Variants in QPRT observed in about 807,000 individuals in gnomAD.
QPRT encodes quinolinate phosphoribosyltransferase, also known as nicotinate-nucleotide pyrophosphorylase [carboxylating].
QPRT carries 17 observed loss-of-function variants against 19.8 expected under a neutral mutation model. The ratio of observed to expected loss-of-function variants is 0.86; its 90% confidence interval spans 0.59 to 1.29. QPRT has a LOEUF of 1.29. Among genes scored for constraint, QPRT ranks in the 50% most tolerant of loss-of-function variants. The pLI, the probability that QPRT is intolerant of heterozygous loss-of-function variation, is 0.00. For synonymous variants in QPRT, 178 were observed against 191.0 expected (o/e 0.93, Z 0.56); for missense variants, 336 against 405.1 (o/e 0.83, Z 1.46).
intron 1 of QPRT, among the ~76,000 whole-genome samples, chr16:29,692,245 A>G (rs1967364507): frequency 9.7e-6 from 1 of 102,782 alleles, no homozygotes; most frequent in East Asian, 2.7e-4. Context: ...CATGTCCACT[A>G]TCCTTATTTA....
At chr16:29,686,457 T>G (rs967947659) in intron 1 of QPRT, among the ~76,000 whole-genome samples, 3 of 152,182 alleles carry the variant, frequency 2.0e-5, no homozygotes, top group African/African-American at 7.2e-5. Flanking sequence ...ACGCCTACCC[T>G]GTGCTAGACA....
chr16:29,692,507 G>A (rs1967377461), intron 1 of QPRT, among the ~76,000 whole-genome samples: 1 of 151,872 alleles, frequency 6.6e-6, no homozygotes, highest in Non-Finnish European at 1.5e-5. Context: ...CGTGAACCCG[G>A]GAGGCGGAGC....
In QPRT at chr16:29,697,409, T is replaced by C. The variant is rs1967582714; in HGVS notation, c.892T>C (p.Ter298GlnextTer2). The C allele has an allele frequency of 6.2e-7, 1 of 1,610,726 alleles. No individual in the cohort carries two copies. Among genetic ancestry groups the C allele is most frequent in the Non-Finnish European group, 8.5e-7 (1 of 1,179,318 alleles). ...KEVAPVPKIH[*>Q] The stretch of plus-strand genomic sequence containing the variant: ...GGTGGCTCCAGTGCCCAAAATCCAC[T>C]AGTCCTAAACCGGAAGAGGATGACA... The change falls in exon 4 of 4, where the codon TAG becomes CAG. Residue 298 changes from the stop codon to glutamine (Q), a stop_lost. Coordinates refer to ENST00000395384, the MANE Select transcript of QPRT (RefSeq NM_014298.6). The surrounding 1 kb of genome is among the most constrained non-coding windows in gnomAD (Gnocchi z 4.4).
chr16:29,693,149 C>A (rs956301654), intron 1 of QPRT, among the ~76,000 whole-genome samples: 1 of 151,982 alleles, frequency 6.6e-6, no homozygotes, highest in African/African-American at 2.4e-5. Context: ...CAATTGCATT[C>A]TTTTAGTTAT....
chr16:29,687,001 A>T (rs1480822605), intron 1 of QPRT, among the ~76,000 whole-genome samples: 1 of 152,232 alleles, frequency 6.6e-6, no homozygotes, highest in Non-Finnish European at 1.5e-5. Context: ...TCTTTCTCTT[A>T]CTTGTCAGGC....
chr16:29,683,377 G>A (rs1967071673), intron 1 of QPRT, among the ~76,000 whole-genome samples: 1 of 150,718 alleles, frequency 6.6e-6, no homozygotes, highest in South Asian at 2.1e-4. Flanking sequence ...TTTCCCTGAG[G>A]CAGGGTCTCA....
chr16:29,686,601 A>G (rs1400458366), intron 1 of QPRT, among the ~76,000 whole-genome samples: 2 of 152,074 alleles, frequency 1.3e-5, no homozygotes, highest in African/African-American at 4.8e-5. Context: ...AGTTCAAGCA[A>G]TTCTCTGCCT....
chr16:29,680,774 C>A (rs1966976720), intron 1 of QPRT, among the ~76,000 whole-genome samples: 1 of 152,080 alleles, frequency 6.6e-6, no homozygotes, highest in South Asian at 2.1e-4. Flanking sequence ...AACCCCGTCT[C>A]TACTAAAAGT....
At chr16:29,683,354 G>A (rs1257104140) in intron 1 of QPRT, among the ~76,000 whole-genome samples, 2 of 151,066 alleles carry the variant, frequency 1.3e-5, no homozygotes, top group Admixed American at 1.3e-4. Context: ...GAGAGCATTG[G>A]TTCTTTTTTT....
rs1348322465 is a variant in QPRT, at chr16:29,697,500, A to G, written c.*89A>G. 1.0e-5 allele frequency: 14 copies of G among 1,350,710 alleles called. No individual in the cohort carries two copies. Among genetic ancestry groups the G allele is most frequent in the South Asian group, 1.4e-5 (1 of 73,172 alleles). 83.7% of individuals were successfully genotyped at this position (1,350,710 alleles called of 1,614,324 possible). On this transcript the variant is annotated 3_prime_UTR_variant, in exon 4 of 4. Coordinates refer to ENST00000395384, the MANE Select transcript of QPRT (RefSeq NM_014298.6). This position sits in a 1 kb window ranked among gnomAD's most constrained non-coding sequence, Gnocchi z 4.4. ...CACACATCTTTAGGGTCAGTGGCCAATGGGGCACATTTGGCACTAGCTTGA... is the reference window on the plus strand; with the variant it reads ...CACACATCTTTAGGGTCAGTGGCCAGTGGGGCACATTTGGCACTAGCTTGA...
chr16:29,679,687 A>G, intron 1 of QPRT, among the ~76,000 whole-genome samples: 1 of 149,448 alleles, frequency 6.7e-6, no homozygotes, highest in South Asian at 2.1e-4. Flanking sequence ...ATCAGTCCCA[A>G]CCCCCAACCA....
At chr16:29,683,658 C>T (rs995440638) in intron 1 of QPRT, among the ~76,000 whole-genome samples, 5 of 152,168 alleles carry the variant, frequency 3.3e-5, no homozygotes, top group Non-Finnish European at 7.3e-5. Context: ...CGCCCCTGGC[C>T]GAGCATTGAT....
At chr16:29,687,969 AAG>A (rs1312851996) in intron 1 of QPRT, among the ~76,000 whole-genome samples, 2 of 152,126 alleles carry the variant, frequency 1.3e-5, no homozygotes, top group African/African-American at 4.8e-5. Context: ...CTCAAAAAGA[AAG>A]AAAGAAAAAA....
chr16:29,696,115 A>G (rs1967524687), intron 2 of QPRT: 1 of 152,050 alleles, frequency 6.6e-6, no homozygotes, highest in Non-Finnish European at 1.5e-5. Flanking sequence ...TAATATTCTG[A>G]GTCAAATTGA....
upstream of QPRT, chr16:29,679,041 T>C: frequency 2.3e-6 from 3 of 1,317,700 alleles, no homozygotes; most frequent in South Asian, 1.3e-5. Flanking sequence ...TCTGCAGGCC[T>C]GGCAGAGGAC....
chr16:29,679,094 T>C (rs747603242), upstream of QPRT: 172 of 1,607,050 alleles, frequency 1.1e-4, no homozygotes, highest in Non-Finnish European at 1.4e-4. Flanking sequence ...GGCTGACAGC[T>C]TGATGGGCCC....
chr16:29,685,740 T>C (rs922435102), intron 1 of QPRT, among the ~76,000 whole-genome samples: 1 of 151,512 alleles, frequency 6.6e-6, no homozygotes, highest in African/African-American at 2.4e-5. Context: ...TGGATCACAC[T>C]TGTAATCCCA....
intron 1 of QPRT, 106 bp downstream of exon 1, chr16:29,679,316 TCTCTC>T: frequency 1.2e-6 from 1 of 809,008 alleles, no homozygotes. Flanking sequence ...TCTGGAGTCA[TCTCTC>T]CTCTGGTCCC....
chr16:29,682,964 G>T (rs1967052756), intron 1 of QPRT, among the ~76,000 whole-genome samples: 1 of 151,508 alleles, frequency 6.6e-6, no homozygotes. Context: ...ATATTGCACA[G>T]GCTGGTCTCA....
Sources: allele counts gnomAD v4.1 joint callset (sites outside exome capture counted in the v4.1 genomes callset), GRCh38; gene constraint gnomAD v4.1.1; non-coding constraint Gnocchi (gnomAD v3.1); transcripts MANE v1.5; gene names NCBI Gene and HGNC (gene_info 2026-07-23, HGNC 2026-07-21).